The following SP100 variants were observed in gnomAD, a reference collection of about 807,000 sequenced individuals.
SP100 encodes the protein nuclear autoantigen Sp-100.
In SP100, 84 loss-of-function variants were observed where a neutral mutation model predicts 130.0. The ratio of observed to expected loss-of-function variants is 0.65; its 90% CI spans 0.54 to 0.77. The LOEUF is 0.77. SP100 is among the 30% of genes least tolerant of loss of function. The probability of loss-of-function intolerance (pLI) is 0.00; values close to 1 mark genes in which losing one functional copy is unlikely to be tolerated. For missense variants in SP100, 978 were observed against 1,052.2 expected, an observed-to-expected ratio of 0.93 and a Z score of 0.97; for synonymous variants, 331 against 351.7, an observed-to-expected ratio of 0.94 and a Z score of 0.66.
In SP100 at chr2:230,466,304, C is replaced by A. The variant is rs1481249150; in HGVS notation, c.1145C>A (p.Pro382His). Residue 382 changes from proline to histidine, a missense_variant, in exon 12 of 29, where the codon CCC becomes CAC. By Grantham distance (77) the Pro-to-His change is moderately conservative. Coordinates refer to ENST00000340126, the MANE Select transcript of SP100 (RefSeq NM_001080391.2). Reference protein sequence around the residue: ...TCSRPQIVPEPMDFRKLSTFR... With the variant: ...TCSRPQIVPEHMDFRKLSTFR... ...GTTTCTCCCTTTTACTTTACAGAGC[C>A]CATGGATTTCAGAAAATTATCTACA... 6.4e-7 allele frequency: 1 copy of A among 1,574,302 alleles called. No homozygotes were observed. Among genetic ancestry groups the A allele is most frequent in the Non-Finnish European group, 8.7e-7 (1 of 1,145,446 alleles).
intron 24 of SP100, chr2:230,520,710 A>G (rs1274694217): frequency 6.6e-6 from 1 of 152,232 alleles, no homozygotes; most frequent in Non-Finnish European, 1.5e-5. Flanking sequence ...CAGTTTATTG[A>G]AAGCCAAATG....
chr2:230,461,558 A>G, intron 9 of SP100, 144 bp downstream of exon 9: 1 of 738,670 alleles, frequency 1.4e-6, no homozygotes, highest in Non-Finnish European at 2.3e-6. Flanking sequence ...TGATGCAGTG[A>G]GTCTTCAGCT....
chr2:230,542,058 T>C (rs1254054426), intron 28 of SP100, 23 bp downstream of exon 28: 3 of 1,611,484 alleles, frequency 1.9e-6, no homozygotes, highest in Non-Finnish European at 2.5e-6. Context: ...CCCTGCTTCC[T>C]TTTCTCTTTC....
intron 17 of SP100, among the ~76,000 whole-genome samples, chr2:230,488,780 A>G (rs1222500929): frequency 1.3e-5 from 2 of 152,176 alleles, no homozygotes; most frequent in Non-Finnish European, 2.9e-5. Flanking sequence ...TGAGATAATC[A>G]TGTGGTTTTT....
At chr2:230,456,265 A>G (rs774027899) in intron 8 of SP100, among the ~76,000 whole-genome samples, 1 of 152,196 alleles carries the variant, frequency 6.6e-6, no homozygotes, top group Non-Finnish European at 1.5e-5. Flanking sequence ...GTTTGTGCTA[A>G]AAAGTCCACT....
chr2:230,458,181 G>C (rs922792445), intron 8 of SP100, among the ~76,000 whole-genome samples: 1 of 152,190 alleles, frequency 6.6e-6, no homozygotes, highest in African/African-American at 2.4e-5. Flanking sequence ...CTTAACAACT[G>C]CTGTTGACCA....
At chr2:230,480,996 G>A (rs1230505364) in intron 17 of SP100, among the ~76,000 whole-genome samples, 1 of 150,964 alleles carries the variant, frequency 6.6e-6, no homozygotes, top group Non-Finnish European at 1.5e-5. Flanking sequence ...TGCTGGTGAT[G>A]TTGGTGGTAG....
At chr2:230,473,483 A>G in intron 16 of SP100, 43 bp downstream of exon 16, 2 of 1,172,630 alleles carry the variant, frequency 1.7e-6, no homozygotes, top group Non-Finnish European at 2.6e-6. Context: ...GGCTCAGTGG[A>G]TATCACAGAC....
chr2:230,473,865 G>A (rs1183529159), intron 16 of SP100, among the ~76,000 whole-genome samples: 3 of 150,424 alleles, frequency 2.0e-5, no homozygotes, highest in Non-Finnish European at 3.0e-5. Flanking sequence ...TTTATAAAGC[G>A]AGTTCCATCC....
chr2:230,460,251 A>G (rs2064516270), intron 8 of SP100, among the ~76,000 whole-genome samples: 1 of 152,210 alleles, frequency 6.6e-6, no homozygotes, highest in Admixed American at 6.5e-5. Context: ...GTACAAATGA[A>G]TAAATAATTC....
At chr2:230,420,374 T>C (rs527487789) in intron 2 of SP100, among the ~76,000 whole-genome samples, 3 of 152,284 alleles carry the variant, frequency 2.0e-5, no homozygotes, top group Admixed American at 6.5e-5. Flanking sequence ...TACTTTTCTT[T>C]TTCTTTCTTT....
At position 230,443,080 on chromosome 2, in the gene SP100, T is replaced by C; in HGVS notation, c.251T>C (p.Ile84Thr). The C allele has an allele frequency of 6.2e-7, 1 of 1,613,984 alleles. No homozygotes were observed. Among genetic ancestry groups the C allele is most frequent in the Non-Finnish European group, 8.5e-7 (1 of 1,179,950 alleles). Reference protein sequence around the residue: ...FLEGLRDRDLITNKMFEDSQD... With the variant: ...FLEGLRDRDLTTNKMFEDSQD... ...GAGGGCCTCCGTGATCGTGATCTCATCACAAATAAAATGTTTGAAGTAAGT... is the reference window on the plus strand; with the variant it reads ...GAGGGCCTCCGTGATCGTGATCTCACCACAAATAAAATGTTTGAAGTAAGT... Residue 84 changes from isoleucine to threonine, a missense_variant, in exon 3 of 29, where the codon ATC becomes ACC. Coordinates refer to ENST00000340126, the MANE Select transcript of SP100 (RefSeq NM_001080391.2).
At chr2:230,472,515 A>G (rs2065326167) in intron 15 of SP100, among the ~76,000 whole-genome samples, 1 of 151,824 alleles carries the variant, frequency 6.6e-6, no homozygotes, top group African/African-American at 2.4e-5. Flanking sequence ...TGATAGTAGA[A>G]AGAAGTTCAC....
At chr2:230,530,697 A>G (rs1483138323) in intron 24 of SP100, among the ~76,000 whole-genome samples, 3 of 152,244 alleles carry the variant, frequency 2.0e-5, no homozygotes, top group Non-Finnish European at 4.4e-5. Flanking sequence ...AAGGGCTAAT[A>G]TCAAGAATCT....
chr2:230,466,992 G>T, intron 12 of SP100, 128 bp from the exon 13 acceptor site: 1 of 649,254 alleles, frequency 1.5e-6, no homozygotes, highest in Non-Finnish European at 2.8e-6. Flanking sequence ...TTTGAGGCAC[G>T]GACATTCTTG....
chr2:230,498,813 C>A (rs537036855), intron 19 of SP100, among the ~76,000 whole-genome samples: 1 of 152,216 alleles, frequency 6.6e-6, no homozygotes, highest in East Asian at 1.9e-4. Flanking sequence ...TAGTTGCTGG[C>A]ATAAAAACAA....
chr2:230,467,079 A>AT (rs745444909), intron 12 of SP100, 41 bp from the exon 13 acceptor site: 1 of 1,348,314 alleles, frequency 7.4e-7, no homozygotes, highest in Non-Finnish European at 1.1e-6. Context: ...TTCCCTTATC[A>AT]TACATTGAGA....
intron 20 of SP100, 57 bp from the exon 21 acceptor site, chr2:230,504,129 G>C: frequency 1.1e-6 from 1 of 883,028 alleles, no homozygotes; most frequent in Non-Finnish European, 1.9e-6. Flanking sequence ...CAGGTGGGGA[G>C]GGACAATGCA....
At chr2:230,482,597 T>C (rs1487706424) in intron 17 of SP100, among the ~76,000 whole-genome samples, 1 of 151,986 alleles carries the variant, frequency 6.6e-6, no homozygotes, top group African/African-American at 2.4e-5. Flanking sequence ...TAGTGTGGCA[T>C]AATGTAAGGG....
Sources: allele counts gnomAD v4.1 joint callset (sites outside exome capture counted in the v4.1 genomes callset), GRCh38; gene constraint gnomAD v4.1.1; transcripts MANE v1.5; gene names NCBI Gene and HGNC (gene_info 2026-07-23, HGNC 2026-07-21).